The following MGAT4C variants were observed in gnomAD, a reference collection of about 807,000 sequenced individuals.
MGAT4C encodes the protein MGAT4 family member C.
Under a neutral mutation model 40.1 loss-of-function variants are expected in MGAT4C, and 19 were observed. That is an observed-to-expected ratio of 0.47 (90% CI 0.33 to 0.70). The LOEUF is 0.70. Ranked by LOEUF, MGAT4C falls within the 30% of genes least tolerant of loss-of-function variation. The probability of loss-of-function intolerance (pLI) is 0.02; values close to 1 mark genes in which losing one functional copy is unlikely to be tolerated. For missense variants in MGAT4C, 491 were observed against 563.2 expected (o/e 0.87, Z 1.30); for synonymous variants, 181 against 187.1 (o/e 0.97, Z 0.27).
chr12:86,114,264 A>G (rs1282800160), intron 1 of MGAT4C, among the ~76,000 whole-genome samples: 1 of 151,850 alleles, frequency 6.6e-6, no homozygotes, highest in East Asian at 1.9e-4. Flanking sequence ...TCAGTAATCA[A>G]AAAGGACACC....
rs112429424 is a variant in MGAT4C, at chr12:86,469,688, A to C, written c.-228-34423T>G. Among the ~76,000 whole-genome samples the C allele has an allele frequency of 3.3e-3, 501 of 152,170 alleles. 2 individuals carry two copies. Among genetic ancestry groups the C allele is most frequent in the African/African-American group, 0.012 (484 of 41,528 alleles). On this transcript the variant is annotated intron_variant, in intron 2 of 7. Coordinates refer to the MGAT4C transcript ENST00000548651. ...ACCAACCTAATTTTTTCCAATTGAG[A>C]CTTGAGATGACTGTGGCCTTGTAAG...
chr12:86,027,983 C>A, intron 2 of MGAT4C: 1 of 343,182 alleles, frequency 2.9e-6, no homozygotes. Flanking sequence ...GTATTTTATA[C>A]ATTTTCCATT....
At chr12:86,328,463 T>G (rs1040773698) in intron 4 of MGAT4C, among the ~76,000 whole-genome samples, 3 of 152,156 alleles carry the variant, frequency 2.0e-5, no homozygotes, top group Admixed American at 6.5e-5. Context: ...AATTTGTAAG[T>G]AAATTTAGCA....
intron 1 of MGAT4C, among the ~76,000 whole-genome samples, chr12:86,762,720 T>C (rs1951429304): frequency 1.3e-5 from 2 of 152,234 alleles, no homozygotes; most frequent in South Asian, 2.1e-4. Flanking sequence ...TCAAAACATT[T>C]TGTCCTATTT....
intron 3 of MGAT4C, among the ~76,000 whole-genome samples, chr12:86,419,470 TACAAATTA>T (rs1956781525): frequency 6.6e-6 from 1 of 151,726 alleles, no homozygotes; most frequent in Non-Finnish European, 1.5e-5. Flanking sequence ...TTGAAAATTA[TACAAATTA>T]ACATTACCAG....
At chr12:86,808,821 A>G (rs1249118603) in intron 1 of MGAT4C, among the ~76,000 whole-genome samples, 2 of 152,078 alleles carry the variant, frequency 1.3e-5, no homozygotes, top group Non-Finnish European at 2.9e-5. Flanking sequence ...CTTTTCAAAT[A>G]GGAAGAGAGG....
intron 1 of MGAT4C, among the ~76,000 whole-genome samples, chr12:86,245,900 GA>G (rs1952005404): frequency 6.6e-6 from 1 of 152,018 alleles, no homozygotes; most frequent in Non-Finnish European, 1.5e-5. Flanking sequence ...AGAGCTACCA[GA>G]ATAAATAGCT....
intron 1 of MGAT4C, among the ~76,000 whole-genome samples, chr12:86,126,408 G>T (rs1170454366): frequency 6.6e-6 from 1 of 151,944 alleles, no homozygotes; most frequent in Non-Finnish European, 1.5e-5. Context: ...AAAGAATACA[G>T]ACTATCTTAA....
At chr12:86,821,767 T>A (rs1033551323) in intron 1 of MGAT4C, among the ~76,000 whole-genome samples, 3 of 150,886 alleles carry the variant, frequency 2.0e-5, no homozygotes, top group Admixed American at 1.3e-4. Flanking sequence ...GGTTTAGTAG[T>A]GTCTAATCAA....
intron 4 of MGAT4C, among the ~76,000 whole-genome samples, chr12:86,302,521 C>A (rs1256714963): frequency 6.7e-6 from 1 of 150,296 alleles, no homozygotes; most frequent in Admixed American, 6.6e-5. Context: ...CTCTGCCTCC[C>A]GGGCTAAAGC....
chr12:86,384,492 C>T (rs1956015934), intron 3 of MGAT4C, among the ~76,000 whole-genome samples: 1 of 152,106 alleles, frequency 6.6e-6, no homozygotes, highest in Admixed American at 6.5e-5. Context: ...CCCAGTAAGG[C>T]AGGGCTTATC....
intron 3 of MGAT4C, among the ~76,000 whole-genome samples, chr12:86,410,372 G>A (rs536862607): frequency 1.7e-4 from 26 of 152,070 alleles, no homozygotes; most frequent in Middle Eastern, 3.4e-3. Flanking sequence ...CATTCCTTCC[G>A]CAGGGTATTA....
rs1057234358 is a variant in MGAT4C at position 86,158,110 on chromosome 12, T to C, written c.-57+98129A>G. Among the ~76,000 whole-genome samples, 13 of 152,278 alleles carry C rather than the reference T, an allele frequency of 8.5e-5. 1 individual carries two copies. The highest frequency in any genetic ancestry group is 3.1e-4 in the African/African-American group (13 of 41,554). On this transcript the variant is annotated intron_variant, in intron 1 of 4. Coordinates refer to ENST00000611864, the MANE Select transcript of MGAT4C (RefSeq NM_001351288.2). ...ATTTAGCTAGATGTTGGATCATTAC[T>C]TTACATATATATATCTCCTTCTAAT... is the stretch of plus-strand genomic sequence containing the variant.
At chr12:86,332,233 A>G (rs1954685528) in intron 4 of MGAT4C, among the ~76,000 whole-genome samples, 1 of 152,182 alleles carries the variant, frequency 6.6e-6, no homozygotes. Flanking sequence ...AATACTTTAG[A>G]AAGATTTTAC....
chr12:86,465,764 C>G (rs1957672108), intron 2 of MGAT4C, among the ~76,000 whole-genome samples: 1 of 152,154 alleles, frequency 6.6e-6, no homozygotes, highest in Admixed American at 6.5e-5. Flanking sequence ...AATGGGAGCT[C>G]TCTTTCATTG....
At chr12:86,460,408 G>A (rs190632171) in intron 2 of MGAT4C, among the ~76,000 whole-genome samples, 188 of 152,184 alleles carry the variant, frequency 1.2e-3, no homozygotes, top group African/African-American at 4.3e-3. Flanking sequence ...TGAAACCTAG[G>A]AAAATGAAGC....
chr12:86,799,845 A>T lies in MGAT4C; in HGVS notation c.-262+38821T>A, dbSNP rs1390313022. Among the ~76,000 whole-genome samples, 3 of 151,888 alleles carry T rather than the reference A, an allele frequency of 2.0e-5. No homozygotes were observed. The East Asian group carries it at 5.8e-4, about 29-fold the overall frequency. ...GACTATATATTGCCTGTAGATAGTG[A>T]CATGAGGTAGACACTGTGACCAAAT... On this transcript the variant is annotated intron_variant, in intron 1 of 7. Coordinates refer to the MGAT4C transcript ENST00000548651.
chr12:86,244,472 G>A (rs1311365562), intron 1 of MGAT4C, among the ~76,000 whole-genome samples: 1 of 152,174 alleles, frequency 6.6e-6, no homozygotes, highest in Non-Finnish European at 1.5e-5. Flanking sequence ...CTCTAATAGA[G>A]AAATCCTTTC....
chr12:86,396,438 T>G (rs954474490), intron 3 of MGAT4C, among the ~76,000 whole-genome samples: 2 of 152,314 alleles, frequency 1.3e-5, no homozygotes, highest in African/African-American at 4.8e-5. Flanking sequence ...AAGATTACTA[T>G]GCTCACACAT....
Sources: gnomAD v4.1 joint callset for allele counts (sites outside exome capture counted in the v4.1 genomes callset) on GRCh38, gnomAD v4.1.1 for gene constraint, MANE v1.5 for transcripts, NCBI Gene and HGNC (gene_info 2026-07-23, HGNC 2026-07-21) for gene names.